Variants in RHOBTB2 observed in about 807,000 individuals in gnomAD.
RHOBTB2 encodes rho-related BTB domain-containing protein 2.
In RHOBTB2, 39 loss-of-function variants were observed where a neutral mutation model predicts 66.5. The ratio of observed to expected loss-of-function variants is 0.59; its 90% CI spans 0.45 to 0.77. The LOEUF (loss-of-function observed/expected upper bound fraction) is 0.77, where lower values mean the gene tolerates loss of function less well. RHOBTB2 is among the 30% of genes least tolerant of loss of function. RHOBTB2 has a pLI of 0.00. For synonymous variants in RHOBTB2, 390 were observed against 395.0 expected (o/e 0.99, Z 0.15); for missense variants, 755 against 999.1 (o/e 0.76, Z 3.29).
intron 1 of RHOBTB2, among the ~76,000 whole-genome samples, chr8:22,989,304 C>T (rs527528242): frequency 2.4e-4 from 36 of 152,120 alleles, no homozygotes; most frequent in Admixed American, 9.2e-4. Context: ...CATGCCACCA[C>T]GCCTGGGTAA....
intron 8 of RHOBTB2, among the ~76,000 whole-genome samples, chr8:23,015,281 G>A (rs1330925959): frequency 1.3e-5 from 2 of 152,148 alleles, no homozygotes; most frequent in Admixed American, 6.5e-5. Flanking sequence ...CAGTGCCTCC[G>A]TGCAGGCTGC....
At chr8:22,983,058 G>A (rs763733679), upstream of RHOBTB2, among the ~76,000 whole-genome samples, 1 of 152,156 alleles carries the variant, frequency 6.6e-6, no homozygotes, top group Non-Finnish European at 1.5e-5. Flanking sequence ...TTCAATATAT[G>A]AATTTGGGGA....
upstream of RHOBTB2, among the ~76,000 whole-genome samples, chr8:22,986,034 G>A (rs1810280579): frequency 6.6e-6 from 1 of 152,108 alleles, no homozygotes; most frequent in Non-Finnish European, 1.5e-5. Context: ...GTAAGAGATG[G>A]GAAAAGTAGT....
rs964223482 is a variant in RHOBTB2 at position 23,014,584 on chromosome 8, C to T, written c.1772-106C>T. The T allele has an allele frequency of 6.1e-5, 62 of 1,022,380 alleles. 1 individual carries two copies. The highest frequency in any genetic ancestry group is 1.4e-4 in the Admixed American group (7 of 49,456). 63.3% of individuals were successfully genotyped at this position (1,022,380 alleles called of 1,614,324 possible). A position where few individuals can be genotyped will look rare whatever the true frequency, so the allele number is the denominator to read the frequency against. The stretch of plus-strand genomic sequence containing the variant: ...CTTTCCTGGCCTGTCCGGACCTGCC[C>T]GGGCCCTGGTTTTCCTCACCCTGAA... On this transcript the variant is annotated intron_variant, in intron 7 of 9. Coordinates refer to ENST00000251822, the MANE Select transcript of RHOBTB2 (RefSeq NM_015178.3).
At chr8:22,961,615 A>G in the RHOBTB2 span, among the ~76,000 whole-genome samples, 2 of 152,182 alleles carry the variant, frequency 1.3e-5, no homozygotes, top group Non-Finnish European at 2.9e-5. Context: ...CATCACTGAA[A>G]CGATATTCAC....
the RHOBTB2 span, among the ~76,000 whole-genome samples, chr8:22,951,959 G>A: frequency 2.0e-5 from 3 of 152,160 alleles, no homozygotes; most frequent in South Asian, 2.1e-4. Context: ...GACCTCAAGA[G>A]ATCCGCCTGC....
chr8:22,997,773 G>T (rs2128799907), upstream of RHOBTB2, among the ~76,000 whole-genome samples: 1 of 152,190 alleles, frequency 6.6e-6, no homozygotes, highest in East Asian at 1.9e-4. Flanking sequence ...CTCTGGAGGT[G>T]GGTGGAGGGA....
chr8:22,995,892 C>T, upstream of RHOBTB2: 5 of 1,551,390 alleles, frequency 3.2e-6, no homozygotes, highest in Non-Finnish European at 4.4e-6. Context: ...GGTTAGTAGC[C>T]TGCAAAGTGT....
At chr8:22,985,540 T>C (rs997736860), upstream of RHOBTB2, among the ~76,000 whole-genome samples, 6 of 152,316 alleles carry the variant, frequency 3.9e-5, no homozygotes, top group East Asian at 5.8e-4. Flanking sequence ...TGATGGCAAT[T>C]AGGAGGCTTT....
At chr8:22,959,239 C>G in the RHOBTB2 span, among the ~76,000 whole-genome samples, 33 of 70,516 alleles carry the variant, frequency 4.7e-4, no homozygotes, top group African/African-American at 1.8e-3. Context: ...TTTCATTTTT[C>G]TTTTTTTGTT....
chr8:23,017,466 C>A lies in RHOBTB2; in HGVS notation c.2181C>A (p.Val727=). ...SSSPSSSSAV[V] ...CCCCATCTTCCTCCTCGGCTGTGGT[C>A]TGAGATGCTGCCACCCTCTTCTGAC... Residue 727 remains valine (V), a synonymous_variant, in exon 10 of 10, where the codon GTC becomes GTA. Transcript: ENST00000251822. This position sits in a 1 kb window ranked among gnomAD's most constrained non-coding sequence, Gnocchi z 5.3. 1.9e-6 allele frequency: 3 copies of A among 1,578,414 alleles called. No individual in the cohort carries two copies. The highest frequency in any genetic ancestry group is 2.6e-6 in the Non-Finnish European group (3 of 1,162,284).
upstream of RHOBTB2, among the ~76,000 whole-genome samples, chr8:22,985,422 T>C (rs1022105308): frequency 6.6e-6 from 1 of 152,216 alleles, no homozygotes; most frequent in Non-Finnish European, 1.5e-5. Flanking sequence ...TGTGCTTAAC[T>C]AGGAGGCTGC....
chr8:22,957,489 C>T, the RHOBTB2 span, among the ~76,000 whole-genome samples: 10 of 152,336 alleles, frequency 6.6e-5, no homozygotes, highest in African/African-American at 2.2e-4. Flanking sequence ...ACAAAGGGCA[C>T]TTGCTGCCCC....
At chr8:22,983,516 C>T (rs569338187), upstream of RHOBTB2, among the ~76,000 whole-genome samples, 3 of 149,074 alleles carry the variant, frequency 2.0e-5, no homozygotes, top group East Asian at 2.0e-4. Context: ...ACAAAAGAAA[C>T]GAAACTCTGA....
chr8:22,998,598 G>A (rs1199146270), upstream of RHOBTB2, among the ~76,000 whole-genome samples: 1 of 152,052 alleles, frequency 6.6e-6, no homozygotes, highest in Non-Finnish European at 1.5e-5. Flanking sequence ...GCTGGGAATA[G>A]TGGCGTGCAC....
At chr8:22,964,379 G>A in the RHOBTB2 span, among the ~76,000 whole-genome samples, 1 of 152,176 alleles carries the variant, frequency 6.6e-6, no homozygotes, top group Non-Finnish European at 1.5e-5. Context: ...TAAGTAAGCA[G>A]ACCATGTTCT....
the RHOBTB2 span, among the ~76,000 whole-genome samples, chr8:22,976,815 C>T: frequency 3.3e-5 from 5 of 151,934 alleles, no homozygotes; most frequent in Admixed American, 6.6e-5. Flanking sequence ...TAAGTAGACA[C>T]GGGTTTTGCT....
chr8:22,963,265 C>T, the RHOBTB2 span, among the ~76,000 whole-genome samples: 1 of 152,190 alleles, frequency 6.6e-6, no homozygotes, highest in Non-Finnish European at 1.5e-5. Context: ...TGATACACAT[C>T]AATACAAAAG....
rs1169310865 is a variant in RHOBTB2, at chr8:23,006,776, G to A, written c.531G>A (p.Val177=). The change falls in exon 5 of 10, where the codon GTG becomes GTA. Residue 177 remains valine, a synonymous_variant. Transcript: ENST00000251822. This position sits in a 1 kb window ranked among gnomAD's most constrained non-coding sequence, Gnocchi z 6.1. ...TGCCCCCAGAGAAGGGTCGGGAGGT[G>A]GCCAAGGAGCTGGGCATCCCCTACT... ...EILPPEKGRE[V]AKELGIPYYE... The A allele has an allele frequency of 6.2e-7, 1 of 1,613,936 alleles. No individual in the cohort carries two copies. The highest frequency in any genetic ancestry group is 1.7e-5 in the Admixed American group (1 of 59,994).
Sources: gnomAD v4.1 joint callset for allele counts (sites outside exome capture counted in the v4.1 genomes callset) on GRCh38, gnomAD v4.1.1 for gene constraint, Gnocchi (gnomAD v3.1) non-coding constraint, MANE v1.5 for transcripts, NCBI Gene and HGNC (gene_info 2026-07-23, HGNC 2026-07-21) for gene names.